MIGA1: variants seen among roughly 807,000 people sequenced by gnomAD.
The protein encoded by MIGA1 is family with sequence similarity 73, member A.
Under a neutral mutation model 82.0 loss-of-function variants are expected in MIGA1, and 58 were observed. The ratio of observed to expected loss-of-function variants is 0.71; its 90% CI spans 0.57 to 0.88. The LOEUF (loss-of-function observed/expected upper bound fraction) is 0.88. MIGA1 is among the 40% of genes least tolerant of loss of function. The pLI is 0.00. For missense variants in MIGA1, 751 were observed against 749.1 expected, an observed-to-expected ratio of 1.00 and a Z score of -0.03; for synonymous variants, 249 against 253.6, an observed-to-expected ratio of 0.98 and a Z score of 0.17.
At chr1:77,870,672 CA>C (rs1479964498) in intron 14 of MIGA1, among the ~76,000 whole-genome samples, 4 of 150,900 alleles carry the variant, frequency 2.7e-5, no homozygotes, top group Non-Finnish European at 3.0e-5. Context: ...CCTCACTTCC[CA>C]GACGGGGTGG....
At chr1:77,822,889 C>T (rs1683877381) in intron 7 of MIGA1, among the ~76,000 whole-genome samples, 1 of 139,024 alleles carries the variant, frequency 7.2e-6, no homozygotes, top group Admixed American at 7.8e-5. Context: ...GTCGCCCAGG[C>T]TGGAGTACAG....
chr1:77,857,551 G>T (rs1013701653), intron 8 of MIGA1, among the ~76,000 whole-genome samples: 1 of 151,620 alleles, frequency 6.6e-6, no homozygotes, highest in Non-Finnish European at 1.5e-5. Context: ...GTGGTGGTGC[G>T]TACCTGTAGC....
Position 77,790,529 on chromosome 1 carries a change from G to A in MIGA1, c.195+7178G>A, listed in dbSNP as rs1169930573. Among the ~76,000 whole-genome samples, 3 of 151,598 alleles carry A rather than the reference G, an allele frequency of 2.0e-5. No homozygotes were observed. In the South Asian group the frequency reaches 6.2e-4, roughly 32 times the overall value. ...GATCTGCCCGCCTCGGCCTCCCAAA[G>A]TGCTGGGATTACAGGCATGAACCAC... On this transcript the variant is annotated intron_variant, in intron 2 of 15. Transcript: ENST00000370791.
intron 7 of MIGA1, 137 bp from the exon 8 acceptor site, chr1:77,843,170 G>A: frequency 1.8e-6 from 1 of 542,768 alleles, no homozygotes; most frequent in Non-Finnish European, 3.3e-6. Flanking sequence ...GTTAAACAAT[G>A]GATACTTACT....
intron 13 of MIGA1, among the ~76,000 whole-genome samples, chr1:77,865,021 C>G (rs749250918): frequency 1.3e-5 from 2 of 152,064 alleles, no homozygotes; most frequent in Non-Finnish European, 2.9e-5. Context: ...TTCATTTTGC[C>G]TCAATTAAGT....
intron 5 of MIGA1, among the ~76,000 whole-genome samples, chr1:77,808,601 G>A (rs566262038): frequency 7.2e-5 from 11 of 152,200 alleles, no homozygotes; most frequent in Non-Finnish European, 1.3e-4. Flanking sequence ...GAGCCCTGAA[G>A]AAGAACCAAA....
At chr1:77,816,349 T>C (rs112401546) in intron 7 of MIGA1, among the ~76,000 whole-genome samples, 1 of 152,176 alleles carries the variant, frequency 6.6e-6, no homozygotes, top group African/African-American at 2.4e-5. Flanking sequence ...AATTACATGG[T>C]TTTTTTGGTC....
chr1:77,825,683 C>T (rs989307889), intron 7 of MIGA1, among the ~76,000 whole-genome samples: 3 of 152,036 alleles, frequency 2.0e-5, no homozygotes, highest in African/African-American at 7.2e-5. Flanking sequence ...CTAAAAGTAT[C>T]TGGAAGTGTT....
chr1:77,852,338 T>C (rs1373650697), intron 8 of MIGA1, among the ~76,000 whole-genome samples: 1 of 152,212 alleles, frequency 6.6e-6, no homozygotes, highest in East Asian at 1.9e-4. Context: ...AAAAGCTGTT[T>C]AGTTTTGTTA....
intron 14 of MIGA1, among the ~76,000 whole-genome samples, 156 bp from the exon 15 acceptor site, chr1:77,872,848 C>G (rs1646858798): frequency 6.6e-6 from 1 of 152,152 alleles, no homozygotes; most frequent in African/African-American, 2.4e-5. Context: ...TTGCTTGAGG[C>G]CAGGAGTTTG....
chr1:77,793,783 C>CTTTTT (rs1175821307), intron 2 of MIGA1, among the ~76,000 whole-genome samples: 1 of 114,152 alleles, frequency 8.8e-6, no homozygotes, highest in East Asian at 2.5e-4. Context: ...AAAATTTTAT[C>CTTTTT]TTTTTTTTTT....
intron 14 of MIGA1, among the ~76,000 whole-genome samples, chr1:77,866,867 A>G (rs1263683157): frequency 6.6e-6 from 1 of 151,660 alleles, no homozygotes; most frequent in Non-Finnish European, 1.5e-5. Flanking sequence ...TTTAGTAGAG[A>G]TGGGGTTTCA....
At chr1:77,839,775 C>G (rs1684562948) in intron 7 of MIGA1, among the ~76,000 whole-genome samples, 1 of 151,758 alleles carries the variant, frequency 6.6e-6, no homozygotes, top group African/African-American at 2.4e-5. Flanking sequence ...CGGACCCTTG[C>G]TCTGTCACCC....
chr1:77,781,551 C>T (rs1440973899), intron 1 of MIGA1, among the ~76,000 whole-genome samples: 1 of 152,118 alleles, frequency 6.6e-6, no homozygotes, highest in Non-Finnish European at 1.5e-5. Flanking sequence ...TAAGGAAAAG[C>T]AGTCATTCTT....
chr1:77,780,031 C>T (rs1415755323), intron 1 of MIGA1: 27 of 1,167,224 alleles, frequency 2.3e-5, no homozygotes, highest in Non-Finnish European at 2.4e-5. Flanking sequence ...AAAGGAAGCG[C>T]GGAATTGGGA....
At chr1:77,869,776 C>G in intron 14 of MIGA1, among the ~76,000 whole-genome samples, 1 of 109,092 alleles carries the variant, frequency 9.2e-6, no homozygotes, top group East Asian at 3.2e-4. Context: ...GGCGGCTGGC[C>G]GGGCAGAGGG....
intron 4 of MIGA1, among the ~76,000 whole-genome samples, chr1:77,804,993 CTTTT>C (rs67999119): frequency 2.1e-5 from 2 of 95,822 alleles, no homozygotes; most frequent in Non-Finnish European, 2.2e-5. Context: ...TTCCATATTT[CTTTT>C]TTTTTTTTTT....
chr1:77,822,212 T>G (rs143194053), intron 7 of MIGA1, among the ~76,000 whole-genome samples: 1,879 of 152,344 alleles, frequency 0.012, 21 homozygotes, highest in Non-Finnish European at 0.017. Context: ...AACACTTTGT[T>G]CAACCAGCTA....
intron 8 of MIGA1, chr1:77,853,871 T>C (rs189099813): frequency 3.8e-6 from 1 of 264,716 alleles, no homozygotes; most frequent in East Asian, 1.0e-4. Context: ...TTTCCCAGAA[T>C]ATGGAGGCAC....
Sources: gnomAD v4.1 joint callset for allele counts (sites outside exome capture counted in the v4.1 genomes callset) on GRCh38, gnomAD v4.1.1 for gene constraint, MANE v1.5 for transcripts, NCBI Gene and HGNC (gene_info 2026-07-23, HGNC 2026-07-21) for gene names.